The following LARGE1 variants were observed in gnomAD, a reference collection of about 807,000 sequenced individuals.
LARGE1 encodes LARGE xylosyl- and glucuronyltransferase 1, also known as xylosyl- and glucuronyltransferase LARGE1.
A neutral mutation model predicts 87.6 loss-of-function variants in LARGE1; 43 were observed. That is an observed-to-expected ratio of 0.49 (90% CI 0.38 to 0.63). LARGE1 has a LOEUF of 0.63. LARGE1 is among the 30% of genes least tolerant of loss of function. The probability of loss-of-function intolerance (pLI) is 0.00; values close to 1 mark genes in which losing one functional copy is unlikely to be tolerated. For synonymous variants in LARGE1, 434 were observed against 394.6 expected (o/e 1.10, Z -1.18); for missense variants, 802 against 1,000.2 (o/e 0.80, Z 2.67).
At chr22:33,750,627 A>T (rs1443521129) in intron 2 of LARGE1, 8 of 151,858 alleles carry the variant, frequency 5.3e-5, no homozygotes, top group Non-Finnish European at 1.2e-4. Context: ...ATGAAAATGC[A>T]TGTTTGTTGA....
intron 11 of LARGE1, among the ~76,000 whole-genome samples, chr22:33,251,862 C>G (rs1927022384): frequency 6.6e-6 from 1 of 152,138 alleles, no homozygotes; most frequent in Admixed American, 6.6e-5. Context: ...AGACAATAAC[C>G]TCTGTCTATG....
rs146643920 is a variant in LARGE1 at position 33,486,033 on chromosome 22, C to A, written c.788-53768G>T. Among the ~76,000 whole-genome samples the A allele has an allele frequency of 3.1e-4, 47 of 152,294 alleles. 2 individuals are homozygous for A. In the East Asian group the frequency reaches 9.1e-3, roughly 29 times the overall value. On this transcript the variant is annotated intron_variant, in intron 6 of 14. Coordinates refer to ENST00000397394, the MANE Select transcript of LARGE1 (RefSeq NM_133642.5). ...AGTAAATAACTCTTAGAGACAAGGACCATCGCTCAGGACAATGGCCTTGCA... is the reference window on the plus strand; with the variant it reads ...AGTAAATAACTCTTAGAGACAAGGAACATCGCTCAGGACAATGGCCTTGCA...
At position 33,356,184 on chromosome 22, in the gene LARGE1, T is replaced by G. The variant is rs56759089; in HGVS notation, c.1132-18383A>C. 5.0e-3 allele frequency among the ~76,000 whole-genome samples: 757 copies of G among 152,334 alleles called. 6 individuals are homozygous for G. The highest frequency in any genetic ancestry group is 0.017 in the African/African-American group (726 of 41,564). Reference sequence around the variant, plus strand: ...TTGTTGTTTCTAGCAATAACTGCATTGGAAGTTTATCAGCTATGTGTAAAA... The same window carrying G: ...TTGTTGTTTCTAGCAATAACTGCATGGGAAGTTTATCAGCTATGTGTAAAA... On this transcript the variant is annotated intron_variant, in intron 9 of 14. Transcript: ENST00000397394.
At chr22:33,569,653 A>G (rs3819663) in intron 5 of LARGE1, among the ~76,000 whole-genome samples, 71,355 of 151,888 alleles carry the variant, frequency 0.47, 18,977 homozygotes, top group Non-Finnish European at 0.61. Context: ...CCCCACCTCC[A>G]TCCACATTCT....
At chr22:33,238,285 A>T (rs1302932417) in intron 11 of LARGE1, among the ~76,000 whole-genome samples, 1 of 152,228 alleles carries the variant, frequency 6.6e-6, no homozygotes, top group Non-Finnish European at 1.5e-5. Context: ...ATAAAATAGA[A>T]GTTAGAGACA....
At chr22:33,477,032 C>T (rs1240447017) in intron 6 of LARGE1, among the ~76,000 whole-genome samples, 1 of 152,142 alleles carries the variant, frequency 6.6e-6, no homozygotes, top group African/African-American at 2.4e-5. Flanking sequence ...AAATAACTTT[C>T]CTGGGAAAAG....
chr22:33,324,295 AC>A (rs34198548), intron 10 of LARGE1, among the ~76,000 whole-genome samples: 35,104 of 104,074 alleles, frequency 0.34, 5,725 homozygotes, highest in Non-Finnish European at 0.36. Flanking sequence ...AAAACAAACA[AC>A]CCCCCCCCCA....
At chr22:33,397,365 T>C (rs1443643468) in intron 7 of LARGE1, among the ~76,000 whole-genome samples, 1 of 152,216 alleles carries the variant, frequency 6.6e-6, no homozygotes, top group Non-Finnish European at 1.5e-5. Context: ...TCCTACCGCC[T>C]TGGCCTCCCA....
chr22:33,788,724 T>G (rs2085729206), intron 1 of LARGE1, among the ~76,000 whole-genome samples: 1 of 152,152 alleles, frequency 6.6e-6, no homozygotes, highest in African/African-American at 2.4e-5. Context: ...CCCTAGAGAT[T>G]TGTAGAAACT....
chr22:33,334,230 A>G (rs1230289813), intron 10 of LARGE1, among the ~76,000 whole-genome samples: 2 of 152,020 alleles, frequency 1.3e-5, no homozygotes, highest in African/African-American at 2.4e-5. Flanking sequence ...CCTGGCCAAC[A>G]TGGTGAAACC....
At chr22:33,631,859 C>T (rs895818054) in intron 3 of LARGE1, among the ~76,000 whole-genome samples, 2 of 152,138 alleles carry the variant, frequency 1.3e-5, no homozygotes, top group African/African-American at 4.8e-5. Flanking sequence ...AACACATGAG[C>T]GATGTGTTGC....
intron 5 of LARGE1, among the ~76,000 whole-genome samples, chr22:33,584,620 T>C (rs2078616033): frequency 6.6e-6 from 1 of 152,006 alleles, no homozygotes. Flanking sequence ...TTCAGCTACC[T>C]ATTAAATAGA....
chr22:33,674,937 C>A (rs980102659), intron 2 of LARGE1, among the ~76,000 whole-genome samples: 9 of 151,812 alleles, frequency 5.9e-5, no homozygotes, highest in Admixed American at 2.0e-4. Context: ...AATTTCCATT[C>A]TATCTGCAAC....
intron 6 of LARGE1, among the ~76,000 whole-genome samples, chr22:33,538,946 T>C (rs2077113266): frequency 6.6e-6 from 1 of 152,186 alleles, no homozygotes; most frequent in Non-Finnish European, 1.5e-5. Flanking sequence ...TTGAAGGTTG[T>C]GAAAATAATT....
intron 2 of LARGE1, among the ~76,000 whole-genome samples, chr22:33,696,163 A>G (rs991321483): frequency 9.9e-5 from 15 of 152,154 alleles, no homozygotes; most frequent in Admixed American, 2.0e-4. Context: ...TGTTTTTGCA[A>G]TAACAGTTTC....
chr22:33,093,255 G>T, the LARGE1 span, among the ~76,000 whole-genome samples: 12 of 152,174 alleles, frequency 7.9e-5, no homozygotes, highest in Non-Finnish European at 1.5e-5. Flanking sequence ...CATTTTCCCC[G>T]AATGGTTGTA....
the LARGE1 span, among the ~76,000 whole-genome samples, chr22:33,081,609 T>C: frequency 2.0e-5 from 3 of 152,158 alleles, no homozygotes; most frequent in Non-Finnish European, 4.4e-5. Context: ...TTTTGAGAGA[T>C]TAACCCTTTT....
the LARGE1 span, among the ~76,000 whole-genome samples, chr22:33,080,589 A>G: frequency 2.0e-5 from 3 of 152,244 alleles, no homozygotes; most frequent in Non-Finnish European, 4.4e-5. Flanking sequence ...CATGGAACAC[A>G]TGGCTTATGT....
chr22:33,677,304 A>G lies in LARGE1; in HGVS notation c.107-26636T>C, dbSNP rs574782035. Among the ~76,000 whole-genome samples the G allele has an allele frequency of 1.1e-4, 17 of 151,986 alleles. 1 individual carries two copies. In the South Asian group the frequency reaches 2.5e-3, roughly 22 times the overall value. On this transcript the variant is annotated intron_variant, in intron 2 of 14. Coordinates refer to ENST00000397394, the MANE Select transcript of LARGE1 (RefSeq NM_133642.5). ...TTCAGGAGTTAAAAAAAAAAAAAAA[A>G]AAAGAAAAGAAAAACTCACTCGAAC... is the stretch of plus-strand genomic sequence containing the variant.
Sources: gnomAD v4.1 joint callset for allele counts (sites outside exome capture counted in the v4.1 genomes callset) on GRCh38, gnomAD v4.1.1 for gene constraint, MANE v1.5 for transcripts, NCBI Gene and HGNC (gene_info 2026-07-23, HGNC 2026-07-21) for gene names.